Variants in HECW2 observed in about 807,000 individuals in gnomAD.
HECW2 encodes HECT, C2 and WW domain containing E3 ubiquitin protein ligase 2.
Under a neutral mutation model 175.2 loss-of-function variants are expected in HECW2, and 61 were observed. That is an observed-to-expected ratio of 0.35 (90% CI 0.28 to 0.43). HECW2 has a LOEUF of 0.43. HECW2 is among the 20% of genes least tolerant of loss of function. The pLI is 1.00. For synonymous variants in HECW2, 671 were observed against 731.0 expected, an observed-to-expected ratio of 0.92 and a Z score of 1.32; for missense variants, 1,524 against 2,000.5, an observed-to-expected ratio of 0.76 and a Z score of 4.54.
intron 1 of HECW2, among the ~76,000 whole-genome samples, chr2:196,542,499 T>C (rs1451593385): frequency 6.6e-6 from 1 of 152,174 alleles, no homozygotes; most frequent in Non-Finnish European, 1.5e-5. Flanking sequence ...AATTTTTAGA[T>C]AGTTTATTCA....
chr2:196,379,773 C>T (rs1575481342), intron 2 of HECW2, among the ~76,000 whole-genome samples: 1 of 148,782 alleles, frequency 6.7e-6, no homozygotes, highest in African/African-American at 2.5e-5. Flanking sequence ...ATAAAAGAGA[C>T]ATAATTAGCC....
intron 5 of HECW2, among the ~76,000 whole-genome samples, chr2:196,326,257 G>T (rs1444280413): frequency 6.6e-6 from 1 of 152,078 alleles, no homozygotes; most frequent in African/African-American, 2.4e-5. Flanking sequence ...AATAGAATTG[G>T]CCTGAAATTG....
At chr2:196,469,710 AAT>A (rs1196833761) in intron 1 of HECW2, among the ~76,000 whole-genome samples, 4 of 152,028 alleles carry the variant, frequency 2.6e-5, no homozygotes, top group African/African-American at 9.7e-5. Flanking sequence ...AAGTTGAGGA[AAT>A]ATTATAACAT....
chr2:196,567,566 G>A (rs1690228919), intron 1 of HECW2, among the ~76,000 whole-genome samples: 1 of 152,198 alleles, frequency 6.6e-6, no homozygotes, highest in Non-Finnish European at 1.5e-5. Flanking sequence ...CTTGAAGGCA[G>A]GCGGAATCAC....
At chr2:196,561,385 C>A (rs1355675862) in intron 1 of HECW2, among the ~76,000 whole-genome samples, 1 of 152,216 alleles carries the variant, frequency 6.6e-6, no homozygotes, top group Non-Finnish European at 1.5e-5. Context: ...CACAGTGGGA[C>A]ATGGAACTTC....
Position 196,320,356 on chromosome 2 carries a change from G to T in HECW2, c.968C>A (p.Thr323Lys). ...TATCTCACCTTCATGAACAGAAGACGTAACCTCCACTTTAAACTGGAGGTA... is the reference window on the plus strand; with the variant it reads ...TATCTCACCTTCATGAACAGAAGACTTAACCTCCACTTTAAACTGGAGGTA... ...SGYLQFKVEV[T>K]SSVHEDASPE... Residue 323 changes from threonine (T) to lysine (K), a missense_variant, in exon 8 of 29, where the codon ACG becomes AAG. Thr to Lys is a moderately conservative substitution (Grantham distance 78). Transcript: ENST00000644978. The T allele has an allele frequency of 6.2e-7, 1 of 1,607,184 alleles. No individual in the cohort carries two copies. Among genetic ancestry groups the T allele is most frequent in the Non-Finnish European group, 8.5e-7 (1 of 1,174,372 alleles).
intron 1 of HECW2, among the ~76,000 whole-genome samples, chr2:196,519,369 A>AAAAT (rs937493960): frequency 4.2e-4 from 64 of 152,282 alleles, no homozygotes; most frequent in Admixed American, 1.8e-3. Flanking sequence ...AACTGCACCA[A>AAAAT]AAATAAATAA....
At chr2:196,213,327 T>G (rs1687356658) in intron 28 of HECW2, among the ~76,000 whole-genome samples, 1 of 152,238 alleles carries the variant, frequency 6.6e-6, no homozygotes, top group South Asian at 2.1e-4. Flanking sequence ...TTCCTAAGCC[T>G]TTCATATACA....
chr2:196,461,761 T>G (rs1696753396), intron 1 of HECW2, among the ~76,000 whole-genome samples: 1 of 151,898 alleles, frequency 6.6e-6, no homozygotes, highest in Non-Finnish European at 1.5e-5. Context: ...TCAGATCTCG[T>G]GAGAACCCAC....
intron 1 of HECW2, among the ~76,000 whole-genome samples, chr2:196,473,510 C>T (rs896909435): frequency 6.6e-6 from 1 of 152,158 alleles, no homozygotes; most frequent in Non-Finnish European, 1.5e-5. Flanking sequence ...GTCCAAGTAA[C>T]CTACATCCAG....
intron 1 of HECW2, among the ~76,000 whole-genome samples, chr2:196,489,614 A>C (rs1687120000): frequency 6.6e-6 from 1 of 152,232 alleles, no homozygotes; most frequent in Admixed American, 6.5e-5. Flanking sequence ...GCCTGTTTCA[A>C]ATACTTACCC....
intron 1 of HECW2, among the ~76,000 whole-genome samples, chr2:196,459,462 C>A (rs540209843): frequency 6.6e-6 from 1 of 151,470 alleles, no homozygotes; most frequent in African/African-American, 2.4e-5. Context: ...AATCCTAAGC[C>A]CCCCCAACCT....
At chr2:196,538,179 C>T (rs1046658730) in intron 1 of HECW2, among the ~76,000 whole-genome samples, 2 of 152,214 alleles carry the variant, frequency 1.3e-5, no homozygotes, top group African/African-American at 2.4e-5. Flanking sequence ...CCTCCTTCCA[C>T]AAAACGATTT....
intron 27 of HECW2, among the ~76,000 whole-genome samples, 163 bp from the exon 28 acceptor site, chr2:196,216,140 G>C (rs937847301): frequency 1.3e-5 from 2 of 152,200 alleles, no homozygotes; most frequent in African/African-American, 4.8e-5. Flanking sequence ...TTCTGACACA[G>C]AGCCAGAAGA....
intron 1 of HECW2, among the ~76,000 whole-genome samples, chr2:196,586,300 G>A (rs942180945): frequency 3.0e-4 from 46 of 152,134 alleles, no homozygotes; most frequent in African/African-American, 1.1e-3. Flanking sequence ...AGTTCACCAC[G>A]GGCTAAGCAT....
chr2:196,459,567 G>A (rs1467145441), intron 1 of HECW2, among the ~76,000 whole-genome samples: 1 of 151,958 alleles, frequency 6.6e-6, no homozygotes, highest in Non-Finnish European at 1.5e-5. Flanking sequence ...CGTGCCTCAT[G>A]ATGTCCCCTC....
chr2:196,548,257 G>T (rs1188522636), intron 1 of HECW2, among the ~76,000 whole-genome samples: 2 of 151,504 alleles, frequency 1.3e-5, no homozygotes, highest in Non-Finnish European at 2.9e-5. Flanking sequence ...TTGAATCGGG[G>T]AGGTGGAGGT....
At chr2:196,252,555 C>T (rs974488442) in intron 19 of HECW2, among the ~76,000 whole-genome samples, 1 of 152,162 alleles carries the variant, frequency 6.6e-6, no homozygotes, top group Non-Finnish European at 1.5e-5. Flanking sequence ...CCCCTGCTCT[C>T]TCTGGCTCCC....
chr2:196,360,245 C>T (rs79810105), intron 2 of HECW2, among the ~76,000 whole-genome samples: 2,194 of 152,252 alleles, frequency 0.014, 59 homozygotes, highest in African/African-American at 0.049. Flanking sequence ...CACATGCCTG[C>T]GCATGTTCAC....
Sources: gnomAD v4.1 joint callset for allele counts (sites outside exome capture counted in the v4.1 genomes callset) on GRCh38, gnomAD v4.1.1 for gene constraint, MANE v1.5 for transcripts, NCBI Gene and HGNC (gene_info 2026-07-23, HGNC 2026-07-21) for gene names.